The following GNAL variants were observed in gnomAD, a reference collection of about 807,000 sequenced individuals.
GNAL encodes G protein subunit alpha L.
Under a neutral mutation model 55.1 loss-of-function variants are expected in GNAL, and 18 were observed. The observed-to-expected ratio is 0.33, with a 90% CI of 0.23 to 0.48. The LOEUF (loss-of-function observed/expected upper bound fraction) is 0.48. Among genes scored for constraint, GNAL ranks in the 20% least tolerant of loss-of-function variants. The probability of loss-of-function intolerance (pLI) is 0.99; values close to 1 mark genes in which losing one functional copy is unlikely to be tolerated. For missense variants in GNAL, 412 were observed against 614.1 expected (o/e 0.67, Z 3.48); for synonymous variants, 253 against 237.0 (o/e 1.07, Z -0.62).
intron 1 of GNAL, among the ~76,000 whole-genome samples, chr18:11,726,419 C>G (rs1016190173): frequency 6.6e-6 from 1 of 152,252 alleles, no homozygotes; most frequent in Admixed American, 6.5e-5. Flanking sequence ...TTATTAATAA[C>G]CATTTGTGCA....
chr18:11,755,000 G>A (rs201333793), intron 4 of GNAL, among the ~76,000 whole-genome samples: 1 of 6,364 alleles, frequency 1.6e-4, no homozygotes, highest in African/African-American at 2.2e-4. Context: ...GAGTGTGTAT[G>A]TGTGTGTGTG....
At chr18:11,880,794 G>T (rs747101523) in intron 11 of GNAL, among the ~76,000 whole-genome samples, 195 bp from the exon 12 acceptor site, 1 of 152,014 alleles carries the variant, frequency 6.6e-6, no homozygotes, top group Non-Finnish European at 1.5e-5. Context: ...CCTCCTGGGG[G>T]CAATGATAAG....
At chr18:11,720,197 G>A (rs1455654623) in intron 1 of GNAL, among the ~76,000 whole-genome samples, 2 of 152,042 alleles carry the variant, frequency 1.3e-5, no homozygotes, top group African/African-American at 4.8e-5. Context: ...GAATAGTTTA[G>A]GTTTTATAGA....
chr18:11,788,944 T>C (rs1428603970), intron 4 of GNAL, among the ~76,000 whole-genome samples: 2 of 133,438 alleles, frequency 1.5e-5, no homozygotes, highest in African/African-American at 3.0e-5. Flanking sequence ...TATACACATA[T>C]ATATCAAAAG....
intron 1 of GNAL, among the ~76,000 whole-genome samples, chr18:11,742,735 ACTC>A (rs774897736): frequency 7.6e-4 from 115 of 151,438 alleles, no homozygotes; most frequent in Admixed American, 2.2e-3. Flanking sequence ...CGACCCCACC[ACTC>A]CTCAACACCG....
intron 5 of GNAL, among the ~76,000 whole-genome samples, chr18:11,856,870 T>G (rs1478486574): frequency 6.6e-6 from 1 of 152,208 alleles, no homozygotes; most frequent in Non-Finnish European, 1.5e-5. Context: ...AGGGGGAAGT[T>G]GCTGTGAGCC....
At chr18:11,776,887 C>A (rs555964014) in intron 4 of GNAL, among the ~76,000 whole-genome samples, 2 of 152,206 alleles carry the variant, frequency 1.3e-5, no homozygotes, top group South Asian at 4.1e-4. Context: ...GCTTCTCTAC[C>A]CTTCGAGCTG....
chr18:11,884,729 C>A lies in GNAL; in HGVS notation c.*3594C>A. The A allele has an allele frequency of 7.3e-7, 1 of 1,370,548 alleles. No homozygotes were observed. The highest frequency in any genetic ancestry group is 1.0e-6 in the Non-Finnish European group (1 of 1,000,482). 84.9% of individuals were successfully genotyped at this position (1,370,548 alleles called of 1,614,324 possible). On this transcript the variant is annotated 3_prime_UTR_variant, in exon 12 of 12. Transcript: ENST00000334049. ...GAAGACTGCCTTCTCAGGTCCCCCT[C>A]AGGTGAGGCAGGGAACGGGCCCTCC...
At chr18:11,837,496 G>A (rs764127274) in intron 5 of GNAL, among the ~76,000 whole-genome samples, 5 of 152,188 alleles carry the variant, frequency 3.3e-5, no homozygotes, top group African/African-American at 9.7e-5. Context: ...TAGATGAATG[G>A]CTAATCAGCC....
chr18:11,884,562 C>G lies in GNAL; in HGVS notation c.*3427C>G, dbSNP rs373575076. On this transcript the variant is annotated 3_prime_UTR_variant, in exon 12 of 12. Coordinates refer to ENST00000334049, the MANE Select transcript of GNAL (RefSeq NM_182978.4). Reference sequence around the variant, plus strand: ...AGCCCACCACTCCACAGTAGATGATCAAAACCACATCCTCACGTGGGAGGT... The same window carrying G: ...AGCCCACCACTCCACAGTAGATGATGAAAACCACATCCTCACGTGGGAGGT... 4 of 1,613,906 alleles carry G rather than the reference C, an allele frequency of 2.5e-6. No homozygotes were observed. The highest frequency in any genetic ancestry group is 1.7e-5 in the Admixed American group (1 of 60,004).
chr18:11,736,091 A>C (rs2032456891), intron 1 of GNAL, among the ~76,000 whole-genome samples: 1 of 152,058 alleles, frequency 6.6e-6, no homozygotes, highest in Non-Finnish European at 1.5e-5. Flanking sequence ...AGAGGGAGAG[A>C]CTTCTTTTAT....
intron 1 of GNAL, among the ~76,000 whole-genome samples, chr18:11,707,059 G>T (rs1298262077): frequency 6.6e-6 from 1 of 152,158 alleles, no homozygotes; most frequent in Non-Finnish European, 1.5e-5. Context: ...CCAGGCTGGA[G>T]TGTGGTGGCA....
intron 10 of GNAL, among the ~76,000 whole-genome samples, chr18:11,876,053 T>C (rs1017137100): frequency 7.2e-5 from 11 of 152,196 alleles, no homozygotes; most frequent in Non-Finnish European, 1.3e-4. Context: ...CCTCTTGATA[T>C]TGTTGCATTG....
intron 5 of GNAL, among the ~76,000 whole-genome samples, chr18:11,839,046 G>A (rs1411876884): frequency 6.6e-6 from 1 of 152,142 alleles, no homozygotes; most frequent in Non-Finnish European, 1.5e-5. Context: ...CCACATGAAT[G>A]AACAACTAAA....
intron 4 of GNAL, among the ~76,000 whole-genome samples, chr18:11,763,600 C>G (rs2033313327): frequency 1.3e-5 from 2 of 152,052 alleles, no homozygotes; most frequent in Admixed American, 1.3e-4. Context: ...TGGTCTCAAA[C>G]TCCCAGCTTC....
At chr18:11,706,227 A>G (rs1466621152) in intron 1 of GNAL, among the ~76,000 whole-genome samples, 1 of 152,086 alleles carries the variant, frequency 6.6e-6, no homozygotes, top group Non-Finnish European at 1.5e-5. Flanking sequence ...AATAAAGTTA[A>G]TATAGAAAGA....
intron 4 of GNAL, among the ~76,000 whole-genome samples, chr18:11,798,508 C>A (rs889241987): frequency 2.0e-4 from 31 of 152,148 alleles, no homozygotes; most frequent in African/African-American, 7.0e-4. Flanking sequence ...TCTCTGAATT[C>A]TTTGTGCCTT....
rs1555613166 is a variant in GNAL, at chr18:11,846,464, T to TATACAC, written c.723-15930_723-15929insTACACA. ...ATAAATATAAATATATATATAAATA[T>TATACAC]ACACACACACACACACACACACACA... is the stretch of plus-strand genomic sequence containing the variant. On this transcript the variant is annotated intron_variant, in intron 5 of 11. Transcript: ENST00000334049. Among the ~76,000 whole-genome samples the TATACAC allele has an allele frequency of 3.3e-3, 456 of 139,904 alleles. 2 individuals are homozygous for TATACAC. Among genetic ancestry groups the TATACAC allele is most frequent in the East Asian group, 0.022 (110 of 4,920 alleles). 91.8% of individuals were successfully genotyped at this position (139,904 alleles called of 152,430 possible).
In GNAL at chr18:11,759,732, C is replaced by A. The variant is rs73947611; in HGVS notation, c.624+5787C>A. ...GGTGCCCAGCCCAGGGAGTGCCATG[C>A]AGAGCTCCAGCGGCTGCTGCCGTGT... On this transcript the variant is annotated intron_variant, in intron 4 of 11. Transcript: ENST00000334049. 7.3e-3 allele frequency among the ~76,000 whole-genome samples: 1,113 copies of A among 152,374 alleles called. 14 individuals carry two copies. The highest frequency in any genetic ancestry group is 0.026 in the African/African-American group (1,066 of 41,590).
Sources: gnomAD v4.1 joint callset for allele counts (sites outside exome capture counted in the v4.1 genomes callset) on GRCh38, gnomAD v4.1.1 for gene constraint, MANE v1.5 for transcripts, NCBI Gene and HGNC (gene_info 2026-07-23, HGNC 2026-07-21) for gene names.